Variants in SESN1 observed in about 807,000 individuals in gnomAD.
SESN1 encodes the protein sestrin 1.
A neutral mutation model predicts 59.3 loss-of-function variants in SESN1; 30 were observed. The ratio of observed to expected loss-of-function variants is 0.51; its 90% CI spans 0.38 to 0.69. The LOEUF is 0.69. Among genes scored for constraint, SESN1 ranks in the 30% least tolerant of loss-of-function variants. The pLI is 0.00. For missense variants in SESN1, 566 were observed against 673.0 expected (o/e 0.84, Z 1.76); for synonymous variants, 197 against 219.9 (o/e 0.90, Z 0.92).
intron 1 of SESN1, among the ~76,000 whole-genome samples, chr6:109,082,005 C>T (rs887830509): frequency 2.0e-5 from 3 of 152,124 alleles, no homozygotes; most frequent in Admixed American, 6.6e-5. Flanking sequence ...GCAGAGTATT[C>T]GGTTGCTTAC....
At chr6:109,058,368 T>C (rs1006556852) in intron 1 of SESN1, among the ~76,000 whole-genome samples, 1 of 152,232 alleles carries the variant, frequency 6.6e-6, no homozygotes, top group African/African-American at 2.4e-5. Context: ...TATAGTAACA[T>C]GCTATACAGG....
chr6:109,033,910 A>G (rs1780218495), intron 1 of SESN1, among the ~76,000 whole-genome samples: 1 of 152,244 alleles, frequency 6.6e-6, no homozygotes, highest in African/African-American at 2.4e-5. Flanking sequence ...TTCGTAAAGA[A>G]GCGGAGGCAA....
At chr6:109,053,228 A>G (rs1412601668) in intron 1 of SESN1, among the ~76,000 whole-genome samples, 1 of 152,220 alleles carries the variant, frequency 6.6e-6, no homozygotes, top group Non-Finnish European at 1.5e-5. Flanking sequence ...CTTATGAGTA[A>G]GAATTATCTT....
intron 1 of SESN1, among the ~76,000 whole-genome samples, chr6:109,082,199 A>T (rs568609830): frequency 9.2e-5 from 14 of 152,326 alleles, no homozygotes; most frequent in Middle Eastern, 3.4e-3. Context: ...TATTTCCCCT[A>T]GGACCAATGA....
chr6:109,002,489 T>C (rs1779648642), intron 1 of SESN1, 146 bp from the exon 2 acceptor site: 1 of 616,010 alleles, frequency 1.6e-6, no homozygotes, highest in African/African-American at 1.8e-5. Flanking sequence ...ACATACCAAC[T>C]CTTCTGTTAG....
chr6:108,994,765 C>T (rs1447822580), intron 5 of SESN1, among the ~76,000 whole-genome samples, 156 bp from the exon 6 acceptor site: 4 of 145,288 alleles, frequency 2.8e-5, no homozygotes, highest in South Asian at 2.2e-4. Context: ...TGCAGTGGCG[C>T]GATCTCGGCT....
chr6:109,060,215 T>G (rs969539849), intron 1 of SESN1, among the ~76,000 whole-genome samples: 1 of 152,098 alleles, frequency 6.6e-6, no homozygotes, highest in Non-Finnish European at 1.5e-5. Flanking sequence ...CAAAGGATAA[T>G]TTGTTGAGTT....
At chr6:109,041,614 T>C (rs1418057957) in intron 1 of SESN1, among the ~76,000 whole-genome samples, 1 of 152,082 alleles carries the variant, frequency 6.6e-6, no homozygotes, top group Non-Finnish European at 1.5e-5. Flanking sequence ...AGGGACATTA[T>C]ATATCATGAT....
Position 109,001,421 on chromosome 6 carries a change from C to T in SESN1, c.413G>A (p.Gly138Asp). The T allele has an allele frequency of 6.2e-7, 1 of 1,613,780 alleles. No individual in the cohort carries two copies. Among genetic ancestry groups the T allele is most frequent in the Non-Finnish European group, 8.5e-7 (1 of 1,179,800 alleles). ...CACTAACGTAATGTTATCCAAACGGCCCAAAGCAGCAAAAGAATCTGCAAA... is the reference window on the plus strand; with the variant it reads ...CACTAACGTAATGTTATCCAAACGGTCCAAAGCAGCAAAAGAATCTGCAAA... ...ALFADSFAALGRLDNITLVMV... is the reference protein window; with the variant it reads ...ALFADSFAALDRLDNITLVMV... The change falls in exon 3 of 10, where the codon GGC becomes GAC. Residue 138 changes from glycine (G) to aspartate (D), a missense_variant. Transcript: ENST00000436639.
chr6:109,027,198 G>A, intron 1 of SESN1, among the ~76,000 whole-genome samples: 1 of 151,624 alleles, frequency 6.6e-6, no homozygotes, highest in East Asian at 2.0e-4. Flanking sequence ...CTTGGCTGGG[G>A]GTGGTGGCTC....
At chr6:109,032,033 G>A (rs1780187288) in intron 1 of SESN1, among the ~76,000 whole-genome samples, 2 of 152,126 alleles carry the variant, frequency 1.3e-5, no homozygotes, top group African/African-American at 4.8e-5. Flanking sequence ...ACTTATATGT[G>A]GAATTTTCCG....
intron 1 of SESN1, among the ~76,000 whole-genome samples, chr6:109,086,309 G>A (rs1297125549): frequency 6.6e-6 from 1 of 152,056 alleles, no homozygotes; most frequent in Non-Finnish European, 1.5e-5. Context: ...CCAAGATCAT[G>A]CCACTGCACT....
At chr6:109,086,835 T>A (rs1481259187) in intron 1 of SESN1, among the ~76,000 whole-genome samples, 1 of 152,152 alleles carries the variant, frequency 6.6e-6, no homozygotes, top group Non-Finnish European at 1.5e-5. Flanking sequence ...CCAACAGGAA[T>A]AAAATAGATG....
chr6:109,029,115 G>A (rs1780142675), intron 1 of SESN1, among the ~76,000 whole-genome samples: 2 of 152,164 alleles, frequency 1.3e-5, no homozygotes, highest in South Asian at 4.1e-4. Flanking sequence ...ATTATTTACT[G>A]TGGAAGATTT....
intron 1 of SESN1, among the ~76,000 whole-genome samples, chr6:109,053,543 G>A (rs1406528616): frequency 6.6e-6 from 1 of 152,192 alleles, no homozygotes; most frequent in Non-Finnish European, 1.5e-5. Context: ...AACAACAGCA[G>A]TAACAAAGCC....
At chr6:108,990,074 G>T (rs868696288) in intron 8 of SESN1, among the ~76,000 whole-genome samples, 2 of 152,220 alleles carry the variant, frequency 1.3e-5, no homozygotes, top group African/African-American at 4.8e-5. Flanking sequence ...AGCAAAAATA[G>T]TTAACTAGTA....
chr6:109,006,068 G>A (rs1779724877), intron 1 of SESN1, among the ~76,000 whole-genome samples: 1 of 152,122 alleles, frequency 6.6e-6, no homozygotes, highest in South Asian at 2.1e-4. Context: ...ATAATAAATA[G>A]CAATAGCAGC....
At chr6:109,008,560 T>G (rs1264517489) in intron 1 of SESN1, among the ~76,000 whole-genome samples, 1 of 152,212 alleles carries the variant, frequency 6.6e-6, no homozygotes, top group African/African-American at 2.4e-5. Flanking sequence ...AACCACGTCA[T>G]TTTAGTGAGT....
At chr6:108,989,429 A>G (rs1779297972) in intron 8 of SESN1, among the ~76,000 whole-genome samples, 1 of 147,782 alleles carries the variant, frequency 6.8e-6, no homozygotes, top group African/African-American at 2.6e-5. Flanking sequence ...CTAGAGATAT[A>G]TATCTAGATC....
Sources: allele counts gnomAD v4.1 joint callset (sites outside exome capture counted in the v4.1 genomes callset), GRCh38; gene constraint gnomAD v4.1.1; transcripts MANE v1.5; gene names NCBI Gene and HGNC (gene_info 2026-07-23, HGNC 2026-07-21).